Variants in TRIM22 observed in about 807,000 individuals in gnomAD.
TRIM22 encodes the protein tripartite motif containing 22, also known as E3 ubiquitin-protein ligase TRIM22.
Under a neutral mutation model 53.6 loss-of-function variants are expected in TRIM22, and 45 were observed. The ratio of observed to expected loss-of-function variants is 0.84; its 90% CI spans 0.66 to 1.08. The LOEUF (loss-of-function observed/expected upper bound fraction) is 1.08, where lower values mean the gene tolerates loss of function less well. TRIM22 is among the 50% of genes least tolerant of loss of function. TRIM22 has a pLI of 0.00. For synonymous variants in TRIM22, 225 were observed against 216.6 expected, an observed-to-expected ratio of 1.04 and a Z score of -0.34; for missense variants, 616 against 590.9, an observed-to-expected ratio of 1.04 and a Z score of -0.44.
chr11:5,698,671 C>T, intron 4 of TRIM22, 126 bp downstream of exon 4: 2 of 756,396 alleles, frequency 2.6e-6, no homozygotes, highest in South Asian at 1.8e-5. Context: ...TTTGGCCCGG[C>T]ATGCCCCTTT....
chr11:5,698,973 G>A (rs1373338204), intron 4 of TRIM22, among the ~76,000 whole-genome samples: 1 of 152,134 alleles, frequency 6.6e-6, no homozygotes, highest in African/African-American at 2.4e-5. Context: ...AAAACATGTA[G>A]TCTTTTGCAT....
At chr11:5,709,000 G>A in intron 7 of TRIM22, 53 bp from the exon 8 acceptor site, 9 of 1,374,490 alleles carry the variant, frequency 6.5e-6, no homozygotes, top group South Asian at 5.0e-5. Context: ...TCTCAATGCT[G>A]TAAGACACAC....
At chr11:5,706,199 T>G (rs34818142) in intron 4 of TRIM22, among the ~76,000 whole-genome samples, 2 of 152,142 alleles carry the variant, frequency 1.3e-5, no homozygotes, top group Non-Finnish European at 1.5e-5. Flanking sequence ...CTTGAGATAC[T>G]TGAAGCATCT....
intron 5 of TRIM22, 106 bp from the exon 6 acceptor site, chr11:5,708,067 G>A (rs997691971): frequency 4.6e-6 from 4 of 861,884 alleles, no homozygotes; most frequent in Non-Finnish European, 7.6e-6. Flanking sequence ...CAGGGAAGAG[G>A]GTCCAAGTGC....
At chr11:5,707,249 A>T (rs1853475237) in intron 5 of TRIM22, among the ~76,000 whole-genome samples, 1 of 152,156 alleles carries the variant, frequency 6.6e-6, no homozygotes. Context: ...TAGTCATCGT[A>T]ATTTGTCTTT....
intron 4 of TRIM22, among the ~76,000 whole-genome samples, chr11:5,704,138 T>G (rs1300208206): frequency 6.6e-6 from 1 of 152,258 alleles, no homozygotes; most frequent in Non-Finnish European, 1.5e-5. Flanking sequence ...ATCCCCCTGC[T>G]GGGTATATAC....
rs753356534 is a variant in TRIM22, at chr11:5,698,396, G to C, written c.601G>C (p.Glu201Gln). 1 of 1,614,206 alleles carries C rather than the reference G, an allele frequency of 6.2e-7. No homozygotes were observed. The highest frequency in any genetic ancestry group is 8.5e-7 in the Non-Finnish European group (1 of 1,180,036). ...CATCTTGGACAATGAGGAGCAGAGA[G>C]AGCTGCAAAAGCTGGAGGAAGGTGA... ...RVILDNEEQR[E>Q]LQKLEEGEVN... is the part of the protein sequence containing the mutation. The change falls in exon 4 of 8, where the codon GAG (glutamate) becomes CAG (glutamine). Residue 201 changes from glutamate (E) to glutamine (Q), a missense_variant. Glu to Gln is a conservative substitution (Grantham distance 29, BLOSUM62 2). Coordinates refer to ENST00000379965, the MANE Select transcript of TRIM22 (RefSeq NM_006074.5).
intron 4 of TRIM22, among the ~76,000 whole-genome samples, chr11:5,703,199 C>CT (rs1472437585): frequency 1.3e-5 from 2 of 152,112 alleles, no homozygotes; most frequent in Non-Finnish European, 2.9e-5. Flanking sequence ...ACACACCCTC[C>CT]TCCCTCCCCT....
chr11:5,702,001 AT>A (rs1432128927), intron 4 of TRIM22, among the ~76,000 whole-genome samples: 1 of 150,562 alleles, frequency 6.6e-6, no homozygotes, highest in East Asian at 1.9e-4. Flanking sequence ...GTATTATTCA[AT>A]TGATTATTTT....
chr11:5,699,509 C>T (rs1385856183), intron 4 of TRIM22, among the ~76,000 whole-genome samples: 10 of 92,106 alleles, frequency 1.1e-4, no homozygotes, highest in South Asian at 3.7e-4. Flanking sequence ...CCGGCCTGGG[C>T]GACAGAGCGA....
At chr11:5,698,151 A>G in intron 3 of TRIM22, 164 bp from the exon 4 acceptor site, 1 of 618,320 alleles carries the variant, frequency 1.6e-6, no homozygotes. Flanking sequence ...TCAGGTTAAA[A>G]AGTAGAAAAA....
chr11:5,697,289 T>A lies in TRIM22; in HGVS notation c.465T>A (p.Asp155Glu). 6.2e-7 allele frequency: 1 copy of A among 1,613,578 alleles called. No individual in the cohort carries two copies. The highest frequency in any genetic ancestry group is 1.1e-5 in the South Asian group (1 of 90,964). Residue 155 changes from aspartate (D) to glutamate (E), a missense_variant, in exon 3 of 8, where the codon GAT becomes GAA. Physicochemically the swap from Asp to Glu is conservative, Grantham distance 45. Coordinates refer to ENST00000379965, the MANE Select transcript of TRIM22 (RefSeq NM_006074.5). ...CCCTGCAGAGGCTGATAAAGGAGGA[T>A]CAAGAGGCTGAGAAGCTGGAAGATG... The part of the protein sequence containing the change: ...QVALQRLIKE[D>E]QEAEKLEDDI...
At position 5,709,187 on chromosome 11, in the gene TRIM22, G is replaced by C. The variant is rs371728648; in HGVS notation, c.1036G>C (p.Gly346Arg). 138 of 1,614,050 alleles carry C rather than the reference G, an allele frequency of 8.5e-5. No homozygotes were observed. The highest frequency in any genetic ancestry group is 6.6e-4 in the Middle Eastern group (4 of 6,062). The change falls in exon 8 of 8, where the codon GGC becomes CGC. Residue 346 changes from glycine (G) to arginine (R), a missense_variant. Physicochemically the swap from Gly to Arg is moderately radical, Grantham distance 125. Transcript: ENST00000379965. Reference protein sequence around the residue: ...PCDFSAFGVFGCQYFSSGKYY... With the variant: ...PCDFSAFGVFRCQYFSSGKYY... ...TGATTTTTCTGCTTTTGGTGTCTTC[G>C]GCTGCCAATATTTCTCTTCGGGGAA...
intron 4 of TRIM22, among the ~76,000 whole-genome samples, chr11:5,703,354 A>G (rs1275805102): frequency 3.3e-5 from 5 of 151,492 alleles, no homozygotes; most frequent in Admixed American, 1.3e-4. Flanking sequence ...AGCTGCATCC[A>G]TGTTGTTGCA....
At chr11:5,705,904 C>A (rs915298227) in intron 4 of TRIM22, among the ~76,000 whole-genome samples, 2 of 152,124 alleles carry the variant, frequency 1.3e-5, no homozygotes, top group African/African-American at 4.8e-5. Context: ...AGATCACCTA[C>A]AGTGGAGTTT....
intron 4 of TRIM22, among the ~76,000 whole-genome samples, chr11:5,704,695 G>A (rs1439312522): frequency 6.6e-6 from 1 of 151,872 alleles, no homozygotes; most frequent in Non-Finnish European, 1.5e-5. Context: ...TTGTATCATA[G>A]CCAACAAATC....
chr11:5,692,260 G>C (rs1252397645), intron 1 of TRIM22, among the ~76,000 whole-genome samples: 1 of 152,212 alleles, frequency 6.6e-6, no homozygotes, highest in African/African-American at 2.4e-5. Context: ...CTCTTGTCAA[G>C]GGCTTTGCAA....
Position 5,708,287 on chromosome 11 carries a change from G to T in TRIM22, c.874+14G>T. 1 of 1,605,830 alleles carries T rather than the reference G, an allele frequency of 6.2e-7. No individual in the cohort carries two copies. The highest frequency in any genetic ancestry group is 1.1e-5 in the South Asian group (1 of 90,902). ...AAGTTCTTAAAGGTAAGGGGATTCA[G>T]GGGAAGGCTGTGAATGTGGATTTCT... On this transcript the variant is annotated intron_variant, in intron 6 of 7. Transcript: ENST00000379965.
rs935419433 is a variant in TRIM22 at position 5,697,137 on chromosome 11, G to T, written c.424-111G>T. On this transcript the variant is annotated intron_variant, in intron 2 of 7. Transcript: ENST00000379965. ...ATAGGTTCTAATCACCAGCCTCACT[G>T]TTTCTGTAAACTAGTTTCTTCTGAG... 5.3e-6 allele frequency: 4 copies of T among 755,348 alleles called. No individual in the cohort carries two copies. In the Admixed American group the frequency reaches 1.2e-4, roughly 23 times the overall value. The allele number at this position is 755,348 out of a possible 1,614,324, so 46.8% of individuals were successfully genotyped here. A position where few individuals can be genotyped will look rare whatever the true frequency, so the allele number is the denominator to read the frequency against.
Sources: gnomAD v4.1 joint callset for allele counts (sites outside exome capture counted in the v4.1 genomes callset) on GRCh38, gnomAD v4.1.1 for gene constraint, MANE v1.5 for transcripts, NCBI Gene and HGNC (gene_info 2026-07-23, HGNC 2026-07-21) for gene names.